DROSHA: variants seen among roughly 807,000 people sequenced by gnomAD.
DROSHA encodes ribonuclease 3.
Under a neutral mutation model 181.9 loss-of-function variants are expected in DROSHA, and 56 were observed. That is an observed-to-expected ratio of 0.31 (90% CI 0.25 to 0.38). DROSHA has a LOEUF of 0.38. Ranked by LOEUF, DROSHA falls within the 10% of genes least tolerant of loss-of-function variation. DROSHA has a pLI of 1.00. For missense variants in DROSHA, 1,218 were observed against 1,743.5 expected (o/e 0.70, Z 5.37); for synonymous variants, 524 against 591.2 (o/e 0.89, Z 1.65).
At chr5:31,452,842 C>T (rs1184383510) in intron 20 of DROSHA, among the ~76,000 whole-genome samples, 1 of 152,184 alleles carries the variant, frequency 6.6e-6, no homozygotes, top group Non-Finnish European at 1.5e-5. Context: ...AAGGTAAAGA[C>T]ATTGTTTTTG....
In DROSHA at chr5:31,406,924, T is replaced by G. The variant is rs1210309604; in HGVS notation, c.3876A>C (p.Pro1292=). 6.2e-7 allele frequency: 1 copy of G among 1,613,476 alleles called. No homozygotes were observed. The highest frequency in any genetic ancestry group is 1.7e-5 in the Admixed American group (1 of 59,980). Residue 1292 remains proline, a synonymous_variant, in exon 34 of 36, where the codon CCA becomes CCC. Coordinates refer to ENST00000344624, the MANE Select transcript of DROSHA (RefSeq NM_001382508.1). ...CCACAGTGTAGGTTCGGGCATGGGA[T>G]GGGCCCACTGTCTGCAGAGTCCTGA... ...PLYKTLQTVG[P]SHARTYTVAV...
chr5:31,508,245 G>C (rs1424505787), intron 10 of DROSHA, among the ~76,000 whole-genome samples: 1 of 152,124 alleles, frequency 6.6e-6, no homozygotes, highest in Admixed American at 6.5e-5. Context: ...CTAAAAAAAA[G>C]AAATCTTATA....
chr5:31,510,582 C>A (rs1436526392), intron 9 of DROSHA, among the ~76,000 whole-genome samples: 1 of 152,220 alleles, frequency 6.6e-6, no homozygotes, highest in African/African-American at 2.4e-5. Context: ...AAAAAATAGA[C>A]CACCTTATGA....
At position 31,526,474 on chromosome 5, in the gene DROSHA, A is replaced by T. The variant is rs753023337; in HGVS notation, c.459T>A (p.His153Gln). Reference protein sequence around the residue: ...PFMMPPPSMPHPPPPPVMPQQ... With the variant: ...PFMMPPPSMPQPPPPPVMPQQ... ...GCGGCATGACTGGAGGGGGCGGGGGATGAGGCATGGAGGGAGGGGGCATCA... is the reference window on the plus strand; with the variant it reads ...GCGGCATGACTGGAGGGGGCGGGGGTTGAGGCATGGAGGGAGGGGGCATCA... Residue 153 changes from histidine to glutamine, a missense_variant, in exon 5 of 36, where the codon CAT (histidine) becomes CAA (glutamine). Around this residue, in one of 8 missense-constraint regions of DROSHA, gnomAD observed 536 missense variants for 535.4 expected, o/e 1.00. Transcript: ENST00000344624. The T allele has an allele frequency of 2.2e-6, 3 of 1,393,734 alleles. No homozygotes were observed. The East Asian group carries it at 6.9e-5, about 32-fold the overall frequency. 86.3% of individuals were successfully genotyped at this position (1,393,734 alleles called of 1,614,324 possible).
At chr5:31,451,332 C>A (rs1747008477) in intron 21 of DROSHA, among the ~76,000 whole-genome samples, 1 of 152,156 alleles carries the variant, frequency 6.6e-6, no homozygotes. Context: ...TAGTCAATTT[C>A]TTTAGGGACG....
chr5:31,524,338 C>A (rs1265339333), intron 5 of DROSHA, among the ~76,000 whole-genome samples: 1 of 152,186 alleles, frequency 6.6e-6, no homozygotes, highest in Non-Finnish European at 1.5e-5. Flanking sequence ...CAGATGTGAA[C>A]TGGTTCCTAA....
chr5:31,425,146 G>A (rs1349504231), intron 27 of DROSHA, among the ~76,000 whole-genome samples: 2 of 151,828 alleles, frequency 1.3e-5, no homozygotes, highest in African/African-American at 2.4e-5. Context: ...TTTACTTCCC[G>A]ACCTTGATAT....
chr5:31,528,951 A>C, intron 4 of DROSHA, 89 bp downstream of exon 4: 1 of 1,533,024 alleles, frequency 6.5e-7, no homozygotes. Flanking sequence ...CCATGTATCT[A>C]AATCCTTTCC....
rs769791099 is a variant in DROSHA, at chr5:31,424,449, T to C, written c.3239A>G (p.Asn1080Ser). Residue 1080 changes from asparagine to serine, a missense_variant, in exon 28 of 36, where the codon AAT (asparagine) becomes AGT (serine). Around this residue, in one of 8 missense-constraint regions of DROSHA, gnomAD observed 71 missense variants for 95.2 expected, o/e 0.75. Coordinates refer to ENST00000344624, the MANE Select transcript of DROSHA (RefSeq NM_001382508.1). ...NDPDLREVWL[N>S]YPLHPLQLQE... ...TACTTGGAGTGGGTGGAGAGGATAATTGAGCCAGACTTCGCGCAGGTCCTG... is the reference window on the plus strand; with the variant it reads ...TACTTGGAGTGGGTGGAGAGGATAACTGAGCCAGACTTCGCGCAGGTCCTG... 21 of 1,598,454 alleles carry C rather than the reference T, an allele frequency of 1.3e-5. No individual in the cohort carries two copies. The South Asian group carries it at 2.1e-4, about 16-fold the overall frequency.
chr5:31,451,903 T>G (rs867659470), intron 20 of DROSHA, among the ~76,000 whole-genome samples: 16 of 152,200 alleles, frequency 1.1e-4, no homozygotes, highest in African/African-American at 2.9e-4. Flanking sequence ...GCAAGTTATC[T>G]TACCTCTCTG....
At position 31,408,993 on chromosome 5, in the gene DROSHA, C is replaced by T; in HGVS notation, c.3854+63G>A. On this transcript the variant is annotated intron_variant, in intron 33 of 35. Transcript: ENST00000344624. ...CCACAATGACTCATTCTTCAAGGCACATGGAAAGTCAATTTTAGGCATGCT... is the reference window on the plus strand; with the variant it reads ...CCACAATGACTCATTCTTCAAGGCATATGGAAAGTCAATTTTAGGCATGCT... The T allele has an allele frequency of 4.1e-6, 6 of 1,475,130 alleles. No homozygotes were observed. The South Asian group carries it at 6.2e-5, about 15-fold the overall frequency. The allele number at this position is 1,475,130 out of a possible 1,614,324, so 91.4% of individuals were successfully genotyped here.
At chr5:31,441,864 A>G (rs576831828) in intron 23 of DROSHA, among the ~76,000 whole-genome samples, 19 of 152,368 alleles carry the variant, frequency 1.2e-4, no homozygotes, top group African/African-American at 4.6e-4. Context: ...AGTGCAAAGT[A>G]CTATACAGAA....
intron 14 of DROSHA, 92 bp downstream of exon 14, chr5:31,486,399 C>T (rs1480131339): frequency 3.1e-6 from 4 of 1,308,886 alleles, no homozygotes; most frequent in African/African-American, 3.0e-5. Flanking sequence ...CTGGCAAAAG[C>T]CAGATCTGGC....
intron 28 of DROSHA, chr5:31,423,397 C>T (rs1199964703): frequency 2.6e-5 from 4 of 153,962 alleles, no homozygotes; most frequent in African/African-American, 4.8e-5. Context: ...GACATGTTCC[C>T]AGGTGATGCA....
chr5:31,443,251 C>A (rs773844886), intron 23 of DROSHA, among the ~76,000 whole-genome samples: 5 of 151,982 alleles, frequency 3.3e-5, no homozygotes, highest in Non-Finnish European at 7.4e-5. Context: ...CTCCTGACCT[C>A]AGGTGATCCA....
At chr5:31,440,292 A>C (rs141826718) in intron 23 of DROSHA, among the ~76,000 whole-genome samples, 1 of 152,268 alleles carries the variant, frequency 6.6e-6, no homozygotes, top group Non-Finnish European at 1.5e-5. Flanking sequence ...GTTTACAACA[A>C]AATTAGATCA....
At position 31,451,551 on chromosome 5, in the gene DROSHA, T is replaced by C. The variant is rs1747043222; in HGVS notation, c.2664A>G (p.Gln888=). ...TTCTTACCTGCAACAGACAACGATC[T>C]TGGAAAGTATATCCTATCAACTTGT... ...HLDKLIGYTF[Q]DRCLLQLAMT... Residue 888 remains glutamine (Q), a synonymous_variant, in exon 21 of 36, where the codon CAA becomes CAG. Transcript: ENST00000344624. 6.2e-7 allele frequency: 1 copy of C among 1,611,448 alleles called. No individual in the cohort carries two copies. The highest frequency in any genetic ancestry group is 1.3e-5 in the African/African-American group (1 of 74,886).
In DROSHA at chr5:31,511,810, A is replaced by G. The variant is rs57755310; in HGVS notation, c.1291-634T>C. ...AGAATCATGACAACTGACATCAAAT[A>G]CCCTCATAGGGAATGTACACTTCCT... On this transcript the variant is annotated intron_variant, in intron 8 of 35. Coordinates refer to ENST00000344624, the MANE Select transcript of DROSHA (RefSeq NM_001382508.1). Among the ~76,000 whole-genome samples, 1,292 of 152,094 alleles carry G rather than the reference A, an allele frequency of 8.5e-3. 24 individuals carry two copies. Among genetic ancestry groups the G allele is most frequent in the African/African-American group, 0.029 (1,206 of 41,476 alleles).
Position 31,409,175 on chromosome 5 carries a change from A to G in DROSHA, c.3751-16T>C, listed in dbSNP as rs1467694626. 1.2e-6 allele frequency: 2 copies of G among 1,612,794 alleles called. No homozygotes were observed. Among genetic ancestry groups the G allele is most frequent in the Non-Finnish European group, 1.7e-6 (2 of 1,179,410 alleles). ...AAATGAACTCCTGTGGAAGTCCCCC[A>G]AAACTATTTAGTAATGGGTTCTGGA... On this transcript the variant is annotated splice_polypyrimidine_tract_variant and intron_variant, in intron 32 of 35. Transcript: ENST00000344624. This position sits in a 1 kb window ranked among gnomAD's most constrained non-coding sequence, Gnocchi z 4.0.
Sources: allele counts gnomAD v4.1 joint callset (sites outside exome capture counted in the v4.1 genomes callset), GRCh38; gene constraint gnomAD v4.1.1; regional missense constraint gnomAD v4.1.1; non-coding constraint Gnocchi (gnomAD v3.1); transcripts MANE v1.5; gene names NCBI Gene and HGNC (gene_info 2026-07-23, HGNC 2026-07-21).